Variants in PRTG observed in about 807,000 individuals in gnomAD.
PRTG encodes immunoglobulin superfamily, DCC subclass, member 5.
Under a neutral mutation model 122.5 loss-of-function variants are expected in PRTG, and 67 were observed. That is an observed-to-expected ratio of 0.55 (90% CI 0.45 to 0.67). The LOEUF (loss-of-function observed/expected upper bound fraction) is 0.67, where lower values mean the gene tolerates loss of function less well. Ranked by LOEUF, PRTG falls within the 30% of genes least tolerant of loss-of-function variation. PRTG has a pLI of 0.00. For synonymous variants in PRTG, 554 were observed against 501.1 expected (o/e 1.11, Z -1.41); for missense variants, 1,435 against 1,415.4 (o/e 1.01, Z -0.22).
rs1158678144 is a variant in PRTG, at chr15:55,634,785, T to C, written c.2623+2385A>G. 2.0e-5 allele frequency among the ~76,000 whole-genome samples: 3 copies of C among 151,306 alleles called. No individual in the cohort carries two copies. The East Asian group carries it at 5.9e-4, about 30-fold the overall frequency. On this transcript the variant is annotated intron_variant, in intron 15 of 19. Transcript: ENST00000389286. ...TGAACCCAGGAGGAAGAGGTTACAG[T>C]GAGCCAAGATCCACTGTACTCCAGC... is the stretch of plus-strand genomic sequence containing the variant.
rs2059139110 is a variant in PRTG, at chr15:55,615,723, T to TG, written c.*4288_*4289insC. The TG allele has an allele frequency of 4.7e-5, 7 of 147,524 alleles. No homozygotes were observed. In the South Asian group the frequency reaches 1.6e-3, roughly 34 times the overall value. 9.1% of individuals were successfully genotyped at this position (147,524 alleles called of 1,614,324 possible). On this transcript the variant is annotated 3_prime_UTR_variant, in exon 20 of 20. Coordinates refer to ENST00000389286, the MANE Select transcript of PRTG (RefSeq NM_173814.6). Reference sequence around the variant, plus strand: ...AGTGACTGTTTCAATATAACTGGAGTTTTTTTTTTACATTCAGTATTCAAA... The same window carrying TG: ...AGTGACTGTTTCAATATAACTGGAGTGTTTTTTTTTACATTCAGTATTCAAA...
At chr15:55,712,340 G>C (rs1324188808) in intron 2 of PRTG, among the ~76,000 whole-genome samples, 2 of 152,194 alleles carry the variant, frequency 1.3e-5, no homozygotes, top group Admixed American at 1.3e-4. Context: ...TCAAATAATA[G>C]CTTTAGTCCG....
intron 11 of PRTG, among the ~76,000 whole-genome samples, chr15:55,671,531 G>A: frequency 6.6e-6 from 1 of 152,106 alleles, no homozygotes; most frequent in Non-Finnish European, 1.5e-5. Flanking sequence ...ATCTCGCACT[G>A]TCGCCCAGGC....
intron 11 of PRTG, among the ~76,000 whole-genome samples, 189 bp downstream of exon 11, chr15:55,672,256 A>C (rs2059476044): frequency 6.6e-6 from 1 of 152,214 alleles, no homozygotes; most frequent in Non-Finnish European, 1.5e-5. Context: ...ATATTTTGCC[A>C]CTGGACTCAC....
intron 11 of PRTG, among the ~76,000 whole-genome samples, chr15:55,646,179 T>G (rs1298292741): frequency 6.7e-6 from 1 of 149,966 alleles, no homozygotes; most frequent in Non-Finnish European, 1.5e-5. Flanking sequence ...GCTAGTTTTT[T>G]TTTTTTTTTT....
At chr15:55,669,359 G>GTA (rs1282042036) in intron 11 of PRTG, among the ~76,000 whole-genome samples, 2 of 152,146 alleles carry the variant, frequency 1.3e-5, no homozygotes, top group Non-Finnish European at 2.9e-5. Flanking sequence ...GTGAAAGCAA[G>GTA]TATTCACCAT....
At chr15:55,648,266 A>G (rs1204710158) in intron 11 of PRTG, among the ~76,000 whole-genome samples, 1 of 152,212 alleles carries the variant, frequency 6.6e-6, no homozygotes, top group Non-Finnish European at 1.5e-5. Context: ...TCCCATTTTT[A>G]CAATGAGGTG....
intron 16 of PRTG, among the ~76,000 whole-genome samples, chr15:55,627,863 G>A (rs1051744712): frequency 1.3e-5 from 2 of 152,132 alleles, no homozygotes; most frequent in East Asian, 1.9e-4. Flanking sequence ...TGAGTCACTA[G>A]GGATTATGTG....
rs1260828237 is a variant in PRTG, at chr15:55,618,504, A to T, written c.*1508T>A. On this transcript the variant is annotated 3_prime_UTR_variant, in exon 20 of 20. Transcript: ENST00000389286. The stretch of plus-strand genomic sequence containing the variant: ...TATCCTCTCCCACTGCTCGGCACCT[A>T]GGTAACTGTCTCATGACGGAGAAAA... 1 of 152,200 alleles carries T rather than the reference A, an allele frequency of 6.6e-6. No individual in the cohort carries two copies. The highest frequency in any genetic ancestry group is 1.5e-5 in the Non-Finnish European group (1 of 68,036). 9.4% of individuals were successfully genotyped at this position (152,200 alleles called of 1,614,324 possible).
chr15:55,734,972 A>AT (rs1372133586), intron 2 of PRTG, among the ~76,000 whole-genome samples: 1 of 152,228 alleles, frequency 6.6e-6, no homozygotes, highest in Non-Finnish European at 1.5e-5. Flanking sequence ...TCTGTGCAGC[A>AT]TACCATGTTA....
intron 2 of PRTG, among the ~76,000 whole-genome samples, chr15:55,687,819 T>C (rs1185757425): frequency 6.6e-6 from 1 of 152,150 alleles, no homozygotes; most frequent in Non-Finnish European, 1.5e-5. Context: ...GTGGAGAAAA[T>C]ACCAAGCCAG....
At chr15:55,712,461 T>G (rs1469593088) in intron 2 of PRTG, among the ~76,000 whole-genome samples, 1 of 152,216 alleles carries the variant, frequency 6.6e-6, no homozygotes, top group African/African-American at 2.4e-5. Flanking sequence ...TCTTTGGGTA[T>G]TACTATAGCA....
At chr15:55,620,372 C>T (rs1016230334) in intron 19 of PRTG, 106 bp from the exon 20 acceptor site, 10 of 1,515,084 alleles carry the variant, frequency 6.6e-6, no homozygotes, top group African/African-American at 1.4e-5. Flanking sequence ...CAGAATTACC[C>T]GTGGCAAGCG....
intron 11 of PRTG, among the ~76,000 whole-genome samples, chr15:55,661,031 AAATTT>A (rs1367581436): frequency 2.0e-5 from 3 of 152,192 alleles, no homozygotes; most frequent in African/African-American, 4.8e-5. Flanking sequence ...ATCTGAAGAA[AAATTT>A]AATTTAACAC....
chr15:55,700,353 A>G (rs956783947), intron 2 of PRTG, among the ~76,000 whole-genome samples: 3 of 152,238 alleles, frequency 2.0e-5, no homozygotes, highest in Non-Finnish European at 4.4e-5. Flanking sequence ...TGTGAAATGT[A>G]AAAGTGTAAA....
chr15:55,729,212 C>A lies in PRTG; in HGVS notation c.397+11170G>T, dbSNP rs370822052. Among the ~76,000 whole-genome samples, 6 of 152,166 alleles carry A rather than the reference C, an allele frequency of 3.9e-5. No individual in the cohort carries two copies. In the East Asian group the frequency reaches 5.8e-4, roughly 15 times the overall value. On this transcript the variant is annotated intron_variant, in intron 2 of 19. Transcript: ENST00000389286. ...CACAAAAAGGAATGAAGTACTGATA[C>A]ACGCCACAACGTGGATAAACCTTGA...
chr15:55,657,756 A>T (rs2059388344), intron 11 of PRTG, among the ~76,000 whole-genome samples: 1 of 152,206 alleles, frequency 6.6e-6, no homozygotes, highest in African/African-American at 2.4e-5. Flanking sequence ...TATGGCATGC[A>T]ATAAAGAACA....
At chr15:55,684,197 T>C (rs1317860826) in intron 2 of PRTG, among the ~76,000 whole-genome samples, 1 of 152,114 alleles carries the variant, frequency 6.6e-6, no homozygotes, top group Non-Finnish European at 1.5e-5. Context: ...AGTTAACATA[T>C]GAAACAAAAA....
chr15:55,683,658 T>C (rs2059554008), intron 3 of PRTG, 129 bp downstream of exon 3: 1 of 657,988 alleles, frequency 1.5e-6, no homozygotes, highest in East Asian at 2.9e-5. Context: ...AAGTTTGAAA[T>C]GTCTTAAGCA....
Sources: allele counts gnomAD v4.1 joint callset (sites outside exome capture counted in the v4.1 genomes callset), GRCh38; gene constraint gnomAD v4.1.1; transcripts MANE v1.5; gene names NCBI Gene and HGNC (gene_info 2026-07-23, HGNC 2026-07-21).